Variants in ERC1 observed in about 807,000 individuals in gnomAD.
ERC1 encodes RAB6 interacting protein 2.
ERC1 carries 56 observed loss-of-function variants against 132.0 expected under a neutral mutation model. The ratio of observed to expected loss-of-function variants is 0.42; its 90% CI spans 0.34 to 0.53. The LOEUF (loss-of-function observed/expected upper bound fraction) is 0.53. Ranked by LOEUF, ERC1 falls within the 20% of genes least tolerant of loss-of-function variation. ERC1 has a pLI of 0.03. For synonymous variants in ERC1, 478 were observed against 476.1 expected (o/e 1.00, Z -0.05); for missense variants, 1,202 against 1,349.9 (o/e 0.89, Z 1.72).
At chr12:1,314,941 C>T (rs2081581497) in intron 15 of ERC1, among the ~76,000 whole-genome samples, 1 of 152,206 alleles carries the variant, frequency 6.6e-6, no homozygotes, top group Non-Finnish European at 1.5e-5. Flanking sequence ...CTAACTATGT[C>T]AATGAAGTAT....
At chr12:1,244,495 ATGGTTTGT>A (rs1332926226) in intron 13 of ERC1, 6 of 411,686 alleles carry the variant, frequency 1.5e-5, no homozygotes, top group African/African-American at 5.7e-5. Context: ...TTTGTACTTA[ATGGTTTGT>A]TTGTTTGTTT....
chr12:1,188,354 C>T (rs1238591350), intron 11 of ERC1, among the ~76,000 whole-genome samples: 1 of 152,050 alleles, frequency 6.6e-6, no homozygotes, highest in African/African-American at 2.4e-5. Context: ...GTCTTCTTCC[C>T]TCTCTCCTTT....
chr12:1,207,068 CA>C (rs1419119143), intron 12 of ERC1, among the ~76,000 whole-genome samples: 1 of 152,040 alleles, frequency 6.6e-6, no homozygotes, highest in East Asian at 1.9e-4. Context: ...CTTTGCCCCC[CA>C]AAAAATCCCA....
In ERC1 at chr12:1,289,868, T is replaced by C. The variant is rs2079315684; in HGVS notation, c.2636T>C (p.Met879Thr). Residue 879 changes from methionine (M) to threonine (T), a missense_variant, in exon 15 of 19, where the codon ATG becomes ACG. Physicochemically the swap from Met to Thr is moderately conservative, Grantham distance 81 (BLOSUM62 -1). Transcript: ENST00000360905. Reference sequence around the variant, plus strand: ...TTATGATAGGTGGAGGAGTTACTGATGGCCATGGAGAAGGTAAAGCAGGAA... The same window carrying C: ...TTATGATAGGTGGAGGAGTTACTGACGGCCATGGAGAAGGTAAAGCAGGAA... ...NAEKQVEELLMAMEKVKQELE... is the reference protein window; with the variant it reads ...NAEKQVEELLTAMEKVKQELE... 1.2e-6 allele frequency: 2 copies of C among 1,613,560 alleles called. No individual in the cohort carries two copies. The highest frequency in any genetic ancestry group is 2.7e-5 in the African/African-American group (2 of 74,896).
rs71293128 is a variant in ERC1 at position 1,266,391 on chromosome 12, CTTTTTTTTTTTTTTTTT to C, written c.2619+3241_2619+3257del. Among the ~76,000 whole-genome samples, 17 of 42,994 alleles carry C rather than the reference CTTTTTTTTTTTTTTTTT, an allele frequency of 4.0e-4. 1 individual carries two copies. The highest frequency in any genetic ancestry group is 1.1e-3 in the African/African-American group (10 of 9,052). The allele number at this position is 42,994 out of a possible 152,430, so 28.2% of individuals were successfully genotyped here. A position where few individuals can be genotyped will look rare whatever the true frequency, so the allele number is the denominator to read the frequency against. On this transcript the variant is annotated intron_variant, in intron 14 of 18. Transcript: ENST00000360905. ...TATTATTATTTTTATCGTTTCCTGTCTTTTTTTTTTTTTTTTTTTTTTTTTTTTTTTGAGATGGAGTC... is the reference window on the plus strand; with the variant it reads ...TATTATTATTTTTATCGTTTCCTGTCTTTTTTTTTTTTTTGAGATGGAGTC...
rs1951102049 is a variant in ERC1 at position 1,154,211 on chromosome 12, G to GTATA, written c.1737+12425_1737+12426insATAT. ...CCGAGTAGTATTCCATGGTGTGTGT[G>GTATA]TGTATGTATATGTATATGTATATGT... On this transcript the variant is annotated intron_variant, in intron 8 of 18. Transcript: ENST00000360905. Among the ~76,000 whole-genome samples the GTATA allele has an allele frequency of 2.1e-5, 3 of 145,296 alleles. No homozygotes were observed. The South Asian group carries it at 6.6e-4, about 32-fold the overall frequency.
intron 17 of ERC1, among the ~76,000 whole-genome samples, chr12:1,416,631 AC>A (rs1401360555): frequency 4.6e-5 from 7 of 152,186 alleles, no homozygotes; most frequent in Non-Finnish European, 1.0e-4. Flanking sequence ...TGTCTGAATC[AC>A]TGTCTTCTAA....
intron 14 of ERC1, among the ~76,000 whole-genome samples, chr12:1,268,595 A>G (rs888156645): frequency 6.6e-6 from 1 of 152,002 alleles, no homozygotes; most frequent in Non-Finnish European, 1.5e-5. Context: ...CCCGGAGGAG[A>G]TTCTATGTGT....
chr12:1,375,946 C>T (rs1163021358), intron 16 of ERC1, among the ~76,000 whole-genome samples: 1 of 152,012 alleles, frequency 6.6e-6, no homozygotes, highest in East Asian at 1.9e-4. Flanking sequence ...CCAGCTTGGC[C>T]AGGCTGATCT....
chr12:1,202,516 T>C (rs1037038320), intron 12 of ERC1, among the ~76,000 whole-genome samples: 8 of 151,794 alleles, frequency 5.3e-5, no homozygotes, highest in Admixed American at 1.3e-4. Context: ...TATTAGCCAG[T>C]TGTGGTGGTG....
At chr12:1,419,146 C>T (rs182144728) in intron 17 of ERC1, among the ~76,000 whole-genome samples, 70 of 152,222 alleles carry the variant, frequency 4.6e-4, no homozygotes, top group African/African-American at 1.7e-3. Context: ...AAGAAAATCT[C>T]TTCTCCCCTA....
chr12:1,247,267 G>GT (rs2154311599), intron 13 of ERC1, among the ~76,000 whole-genome samples: 1 of 151,398 alleles, frequency 6.6e-6, no homozygotes, highest in East Asian at 1.9e-4. Context: ...AAGGACATTG[G>GT]TGGAAAAACA....
chr12:1,453,567 A>G (rs566350222), intron 18 of ERC1, among the ~76,000 whole-genome samples: 1 of 152,326 alleles, frequency 6.6e-6, no homozygotes, highest in African/African-American at 2.4e-5. Flanking sequence ...TTAAACATGC[A>G]TATTTTAGGA....
intron 1 of ERC1, among the ~76,000 whole-genome samples, chr12:1,008,832 C>T (rs992473863): frequency 2.0e-5 from 3 of 152,130 alleles, no homozygotes; most frequent in Admixed American, 6.6e-5. Context: ...TTTCAATTCC[C>T]GTGAAATAAG....
At chr12:1,122,049 ATCTATC>A (rs1429206237) in intron 7 of ERC1, among the ~76,000 whole-genome samples, 34 of 2,330 alleles carry the variant, frequency 0.015, 15 homozygotes, top group African/African-American at 0.016. Context: ...ATCTCTATCT[ATCTATC>A]TCTATCTCTA....
intron 2 of ERC1, among the ~76,000 whole-genome samples, chr12:1,044,291 T>C (rs1420373646): frequency 6.6e-6 from 1 of 152,262 alleles, no homozygotes; most frequent in Non-Finnish European, 1.5e-5. Context: ...ATTTTGTTTT[T>C]GTCAGTTATC....
At chr12:1,394,273 T>A (rs553738837) in intron 16 of ERC1, among the ~76,000 whole-genome samples, 55 of 138,212 alleles carry the variant, frequency 4.0e-4, no homozygotes, top group South Asian at 1.4e-3. Flanking sequence ...GGTGGCGGGC[T>A]CCTGTAGTCC....
intron 1 of ERC1, among the ~76,000 whole-genome samples, chr12:1,022,009 C>T (rs1490459401): frequency 6.6e-6 from 1 of 152,178 alleles, no homozygotes; most frequent in Non-Finnish European, 1.5e-5. Flanking sequence ...CTTATGTTTA[C>T]TTTAGTGTGA....
At chr12:1,269,899 A>G (rs1024229153) in intron 14 of ERC1, among the ~76,000 whole-genome samples, 4 of 152,218 alleles carry the variant, frequency 2.6e-5, no homozygotes, top group African/African-American at 9.7e-5. Context: ...CAGAGGTGAA[A>G]AAACTTTGGA....
Sources: allele counts gnomAD v4.1 joint callset (sites outside exome capture counted in the v4.1 genomes callset), GRCh38; gene constraint gnomAD v4.1.1; transcripts MANE v1.5; gene names NCBI Gene and HGNC (gene_info 2026-07-23, HGNC 2026-07-21).